Variants in FBXO42 observed in about 807,000 individuals in gnomAD.
FBXO42 encodes F-box protein 42.
In FBXO42, 12 loss-of-function variants were observed where a neutral mutation model predicts 71.7. The ratio of observed to expected loss-of-function variants is 0.17; its 90% CI spans 0.11 to 0.27. FBXO42 has a LOEUF of 0.27. FBXO42 is among the 10% of genes least tolerant of loss of function. The pLI is 1.00. For synonymous variants in FBXO42, 325 were observed against 327.5 expected (o/e 0.99, Z 0.08); for missense variants, 707 against 911.9 (o/e 0.78, Z 2.89).
At chr1:16,314,656 G>A (rs542772815) in intron 2 of FBXO42, among the ~76,000 whole-genome samples, 3 of 152,226 alleles carry the variant, frequency 2.0e-5, no homozygotes, top group East Asian at 1.9e-4. Context: ...ACGCTGAGGC[G>A]GGCGGATCAC....
At chr1:16,322,394 G>T (rs1186233742) in intron 1 of FBXO42, among the ~76,000 whole-genome samples, 1 of 152,104 alleles carries the variant, frequency 6.6e-6, no homozygotes, top group Non-Finnish European at 1.5e-5. Context: ...TGACCAACAT[G>T]GGGAAACCCC....
intron 1 of FBXO42, among the ~76,000 whole-genome samples, chr1:16,345,238 A>G (rs2082645460): frequency 6.7e-6 from 1 of 149,164 alleles, no homozygotes; most frequent in African/African-American, 2.5e-5. Flanking sequence ...CCTGGCCAAC[A>G]TGGTGATACC....
intron 3 of FBXO42, among the ~76,000 whole-genome samples, chr1:16,299,652 A>T (rs1396724193): frequency 6.6e-6 from 1 of 151,830 alleles, no homozygotes; most frequent in Non-Finnish European, 1.5e-5. Flanking sequence ...TATTATTATT[A>T]TTATTTTTTT....
chr1:16,302,559 T>G (rs1282718473), intron 3 of FBXO42, among the ~76,000 whole-genome samples: 1 of 152,046 alleles, frequency 6.6e-6, no homozygotes, highest in Non-Finnish European at 1.5e-5. Context: ...GCCCAGGCTG[T>G]AGTGCAGTGG....
At chr1:16,299,770 G>A (rs931947608) in intron 3 of FBXO42, among the ~76,000 whole-genome samples, 2 of 151,906 alleles carry the variant, frequency 1.3e-5, no homozygotes, top group African/African-American at 2.4e-5. Context: ...TCAGCCTCCC[G>A]AGTAGTTTGG....
chr1:16,349,653 G>T (rs2082681720), intron 1 of FBXO42, among the ~76,000 whole-genome samples: 1 of 152,168 alleles, frequency 6.6e-6, no homozygotes, highest in African/African-American at 2.4e-5. Context: ...CTGCGGTCAG[G>T]AGTTCAAGAC....
At chr1:16,314,168 T>C (rs984429907) in intron 2 of FBXO42, among the ~76,000 whole-genome samples, 2 of 152,252 alleles carry the variant, frequency 1.3e-5, no homozygotes, top group Admixed American at 6.5e-5. Context: ...GCCAGGCTGG[T>C]CTCGAACTTG....
intron 1 of FBXO42, among the ~76,000 whole-genome samples, chr1:16,321,041 A>G (rs537375015): frequency 3.9e-5 from 6 of 152,316 alleles, no homozygotes; most frequent in African/African-American, 1.4e-4. Flanking sequence ...TCCCAATCAG[A>G]ATAAATTTGA....
intron 4 of FBXO42, among the ~76,000 whole-genome samples, chr1:16,277,499 C>G (rs1021410959): frequency 1.3e-5 from 2 of 149,986 alleles, no homozygotes; most frequent in Non-Finnish European, 3.0e-5. Flanking sequence ...CCGAGGCAAG[C>G]GGATCACTTG....
At chr1:16,310,192 T>G (rs1293202953) in intron 2 of FBXO42, among the ~76,000 whole-genome samples, 2 of 110,946 alleles carry the variant, frequency 1.8e-5, no homozygotes, top group African/African-American at 3.3e-5. Context: ...AGACTCCATC[T>G]CAAAAAAAAA....
In FBXO42 at chr1:16,282,733, C is replaced by A. The variant is rs1270410071; in HGVS notation, c.502+12050G>T. On this transcript the variant is annotated intron_variant, in intron 4 of 9. Coordinates refer to ENST00000375592, the MANE Select transcript of FBXO42 (RefSeq NM_018994.3). ...CAGTGGCTCATGCCTGTAATCCCAG[C>A]ACTTTGGGAGGCCAAGGCGGGCAGA... is the stretch of plus-strand genomic sequence containing the variant. 9.9e-5 allele frequency among the ~76,000 whole-genome samples: 15 copies of A among 151,840 alleles called. 1 individual carries two copies. Among genetic ancestry groups the A allele is most frequent in the Admixed American group, 9.8e-4 (15 of 15,246 alleles).
intron 4 of FBXO42, among the ~76,000 whole-genome samples, chr1:16,283,503 T>TTTTGTTTTTTTG (rs1294461113): frequency 2.7e-4 from 37 of 137,816 alleles, no homozygotes; most frequent in East Asian, 6.5e-4. Context: ...AGTTTTTTTT[T>TTTTGTTTTTTTG]TTTTTTTTTT....
intron 3 of FBXO42, among the ~76,000 whole-genome samples, chr1:16,296,649 C>CAAAAAAA (rs58537213): frequency 2.1e-4 from 19 of 91,308 alleles, no homozygotes; most frequent in African/African-American, 5.8e-4. Flanking sequence ...GACTCCATCT[C>CAAAAAAA]AAAAAAAAAA....
intron 5 of FBXO42, among the ~76,000 whole-genome samples, chr1:16,256,324 C>T (rs1187437404): frequency 6.6e-6 from 1 of 152,226 alleles, no homozygotes; most frequent in Non-Finnish European, 1.5e-5. Context: ...GAAGAGCTCG[C>T]TGTTCTTCAA....
At chr1:16,268,676 C>T (rs1349309358) in intron 4 of FBXO42, among the ~76,000 whole-genome samples, 1 of 152,038 alleles carries the variant, frequency 6.6e-6, no homozygotes, top group Non-Finnish European at 1.5e-5. Flanking sequence ...TTAATAAGAA[C>T]AAAGAGGCCG....
intron 4 of FBXO42, among the ~76,000 whole-genome samples, chr1:16,257,988 CT>C (rs1179932041): frequency 1.3e-5 from 2 of 150,102 alleles, no homozygotes; most frequent in East Asian, 1.9e-4. Flanking sequence ...GCTGAGAATA[CT>C]TTTTTTTTTA....
chr1:16,323,404 C>G (rs192391390), intron 1 of FBXO42, among the ~76,000 whole-genome samples: 1 of 151,896 alleles, frequency 6.6e-6, no homozygotes, highest in Non-Finnish European at 1.5e-5. Context: ...GGTGACAGTG[C>G]GAGACTCCGT....
At chr1:16,344,834 C>G (rs761340222) in intron 1 of FBXO42, among the ~76,000 whole-genome samples, 9 of 151,976 alleles carry the variant, frequency 5.9e-5, no homozygotes, top group African/African-American at 1.2e-4. Flanking sequence ...CGTGGTGGCT[C>G]ACACCTGTTA....
At chr1:16,350,922 T>C (rs1233930176) in intron 1 of FBXO42, among the ~76,000 whole-genome samples, 1 of 152,090 alleles carries the variant, frequency 6.6e-6, no homozygotes, top group Non-Finnish European at 1.5e-5. Context: ...AAGCAAACAG[T>C]TACTGGGTAT....
Sources: allele counts gnomAD v4.1 joint callset (sites outside exome capture counted in the v4.1 genomes callset), GRCh38; gene constraint gnomAD v4.1.1; transcripts MANE v1.5; gene names NCBI Gene and HGNC (gene_info 2026-07-23, HGNC 2026-07-21).